The following RAC1 variants were observed in gnomAD, a reference collection of about 807,000 sequenced individuals.
RAC1 encodes Rac family small GTPase 1.
In RAC1, 2 loss-of-function variants were observed where a neutral mutation model predicts 25.2. The observed-to-expected ratio is 0.08, with a 90% confidence interval of 0.03 to 0.25. The LOEUF is 0.25. Among genes scored for constraint, RAC1 ranks in the 10% least tolerant of loss-of-function variants. RAC1 has a pLI of 1.00. For missense variants in RAC1, 50 were observed against 235.7 expected (o/e 0.21, Z 5.16); for synonymous variants, 88 against 94.0 (o/e 0.94, Z 0.37).
At chr7:6,383,366 A>C (rs569325151) in intron 1 of RAC1, among the ~76,000 whole-genome samples, 1 of 152,320 alleles carries the variant, frequency 6.6e-6, no homozygotes, top group African/African-American at 2.4e-5. Context: ...TAAAAGTTTT[A>C]ATCAGAAGAC....
Position 6,401,861 on chromosome 7 carries a change from C to T in RAC1, c.289-7C>T, listed in dbSNP as rs1783413492. 1.2e-6 allele frequency: 2 copies of T among 1,611,144 alleles called. No homozygotes were observed. Among genetic ancestry groups the T allele is most frequent in the South Asian group, 1.1e-5 (1 of 90,764 alleles). ...TGTCACAACCTCTGTTCCTTCTTCA[C>T]ATCTAGTGGTATCCTGAGGTGCGGC... On this transcript the variant is annotated splice_polypyrimidine_tract_variant and splice_region_variant and intron_variant, in intron 4 of 5. Transcript: ENST00000348035.
chr7:6,377,880 G>C (rs1008741873), intron 1 of RAC1, among the ~76,000 whole-genome samples: 12 of 152,172 alleles, frequency 7.9e-5, no homozygotes, highest in African/African-American at 2.9e-4. Flanking sequence ...ACTCCAGCTT[G>C]GGTGACAGAG....
Position 6,402,529 on chromosome 7 carries a change from A to AAAAAAC in RAC1, c.*88_*89insCAAAAA. ...AAAAAAAACAAAAAAAAAAAACAAA[A>AAAAAAC]AAAAAAAACAACGGTGGAGCCTTCG... On this transcript the variant is annotated 3_prime_UTR_variant, in exon 6 of 6. Coordinates refer to ENST00000348035, the MANE Select transcript of RAC1 (RefSeq NM_006908.5). The AAAAAAC allele has an allele frequency of 9.1e-7, 1 of 1,096,606 alleles. No homozygotes were observed. Among genetic ancestry groups the AAAAAAC allele is most frequent in the South Asian group, 2.7e-5 (1 of 37,302 alleles). 67.9% of individuals were successfully genotyped at this position (1,096,606 alleles called of 1,614,324 possible). A position where few individuals can be genotyped will look rare whatever the true frequency, so the allele number is the denominator to read the frequency against.
intron 2 of RAC1, among the ~76,000 whole-genome samples, chr7:6,389,217 A>C (rs890458429): frequency 2.9e-5 from 4 of 139,040 alleles, no homozygotes; most frequent in Non-Finnish European, 6.1e-5. Flanking sequence ...AAAAAAAAAA[A>C]ATTAAAAAAT....
At chr7:6,388,686 T>C (rs1782995738) in intron 2 of RAC1, among the ~76,000 whole-genome samples, 1 of 152,082 alleles carries the variant, frequency 6.6e-6, no homozygotes, top group African/African-American at 2.4e-5. Flanking sequence ...GTCCTAAATT[T>C]ATGGGGGAGA....
Position 6,378,768 on chromosome 7 carries a change from A to G in RAC1, c.35+3998A>G, listed in dbSNP as rs1390394323. ...CTTTCACTTAGTGGACCTTTGCCCC[A>G]AGATTTTCTCTCAGCTTTTCCTAGG... On this transcript the variant is annotated intron_variant, in intron 1 of 5. Transcript: ENST00000348035. 5.3e-5 allele frequency among the ~76,000 whole-genome samples: 8 copies of G among 151,816 alleles called. No individual in the cohort carries two copies. In the East Asian group the frequency reaches 9.7e-4, roughly 18 times the overall value.
At position 6,402,383 on chromosome 7, in the gene RAC1, G is replaced by A. The variant is rs140589960; in HGVS notation, c.516G>A (p.Ala172=). 6.4e-4 allele frequency: 1,024 copies of A among 1,611,596 alleles called. 1 individual carries two copies. The highest frequency in any genetic ancestry group is 8.4e-4 in the Non-Finnish European group (986 of 1,179,692). The change falls in exon 6 of 6, where the codon GCG becomes GCA. Residue 172 remains alanine (A), a synonymous_variant. Coordinates refer to ENST00000348035, the MANE Select transcript of RAC1 (RefSeq NM_006908.5). ...QRGLKTVFDE[A]IRAVLCPPPV... Reference sequence around the variant, plus strand: ...GCCTCAAGACAGTGTTTGACGAAGCGATCCGAGCAGTCCTCTGCCCGCCTC... The same window carrying A: ...GCCTCAAGACAGTGTTTGACGAAGCAATCCGAGCAGTCCTCTGCCCGCCTC...
rs1554263519 is a variant in RAC1, at chr7:6,390,096, C to CCTTTTT, written c.108-1828_108-1827insCTTTTT. Among the ~76,000 whole-genome samples the CCTTTTT allele has an allele frequency of 7.1e-4, 53 of 74,918 alleles. 2 individuals carry two copies. Among genetic ancestry groups the CCTTTTT allele is most frequent in the East Asian group, 1.5e-3 (2 of 1,298 alleles). 49.1% of individuals were successfully genotyped at this position (74,918 alleles called of 152,430 possible). A position where few individuals can be genotyped will look rare whatever the true frequency, so the allele number is the denominator to read the frequency against. On this transcript the variant is annotated intron_variant, in intron 2 of 5. Transcript: ENST00000348035. ...CCTCCCTTGCTCCCTCCCTCCCTCC[C>CCTTTTT]TTTTTTTTTTTTTTTTTTTTTGAGA...
Position 6,383,140 on chromosome 7 carries a change from G to T in RAC1, c.36-4072G>T, listed in dbSNP as rs567548975. Among the ~76,000 whole-genome samples, 17 of 152,272 alleles carry T rather than the reference G, an allele frequency of 1.1e-4. No homozygotes were observed. The South Asian group carries it at 3.5e-3, about 32-fold the overall frequency. On this transcript the variant is annotated intron_variant, in intron 1 of 5. Transcript: ENST00000348035. ...ATTATATAAAGTTAGAAATTCCAAAGAAGTAGTAACTACCAGAAATTCTCC... is the reference window on the plus strand; with the variant it reads ...ATTATATAAAGTTAGAAATTCCAAATAAGTAGTAACTACCAGAAATTCTCC...
At chr7:6,375,374 C>T (rs1339473770) in intron 1 of RAC1, among the ~76,000 whole-genome samples, 2 of 152,056 alleles carry the variant, frequency 1.3e-5, no homozygotes. Flanking sequence ...CAGGCGTGTG[C>T]CACCACGCCT....
intron 1 of RAC1, among the ~76,000 whole-genome samples, chr7:6,381,829 A>G (rs1170983711): frequency 6.6e-6 from 1 of 152,172 alleles, no homozygotes; most frequent in Non-Finnish European, 1.5e-5. Context: ...TTTTATCTGC[A>G]TAGTTAACGC....
chr7:6,390,927 C>T (rs570130324), intron 2 of RAC1, among the ~76,000 whole-genome samples: 8 of 152,152 alleles, frequency 5.3e-5, no homozygotes, highest in South Asian at 4.2e-4. Flanking sequence ...GACCGAGTTT[C>T]GCACTTGTTG....
Position 6,386,325 on chromosome 7 carries a change from G to C in RAC1, c.36-887G>C, listed in dbSNP as rs369398057. On this transcript the variant is annotated intron_variant, in intron 1 of 5. Transcript: ENST00000348035. ...GCTGAATCAATGTGATGGCAGTTAC[G>C]TGTGGTAGTTTATTGACTAAGCACT... Among the ~76,000 whole-genome samples, 81 of 152,288 alleles carry C rather than the reference G, an allele frequency of 5.3e-4. 1 individual carries two copies. The South Asian group carries it at 0.015, about 27-fold the overall frequency.
At chr7:6,398,182 T>A (rs1158790896) in intron 3 of RAC1, among the ~76,000 whole-genome samples, 4 of 150,234 alleles carry the variant, frequency 2.7e-5, no homozygotes, top group Non-Finnish European at 5.9e-5. Context: ...ATTAAAACCC[T>A]GAGGCCCGGC....
chr7:6,395,873 C>T (rs1252551280), intron 3 of RAC1, among the ~76,000 whole-genome samples: 2 of 152,154 alleles, frequency 1.3e-5, no homozygotes, highest in African/African-American at 2.4e-5. Flanking sequence ...GAGAATAAAA[C>T]GAAGTAGAAA....
At chr7:6,392,101 A>G in intron 3 of RAC1, 60 bp downstream of exon 3, 1 of 1,607,994 alleles carries the variant, frequency 6.2e-7, no homozygotes, top group Non-Finnish European at 8.5e-7. Flanking sequence ...CGAGCGCTTA[A>G]TTAGTGCATG....
intron 3 of RAC1, chr7:6,398,704 G>T: frequency 6.2e-7 from 1 of 1,613,728 alleles, no homozygotes; most frequent in South Asian, 1.1e-5. Flanking sequence ...CCGGGGCAAA[G>T]ACAAGCCGAT....
chr7:6,388,266 C>T (rs10277187), intron 2 of RAC1, among the ~76,000 whole-genome samples: 6,129 of 151,706 alleles, frequency 0.04, 432 homozygotes, highest in African/African-American at 0.14. Flanking sequence ...CACCTGTGTT[C>T]ACCTCCTCAG....
intron 3 of RAC1, among the ~76,000 whole-genome samples, chr7:6,399,019 C>T (rs759853328): frequency 3.9e-5 from 6 of 152,184 alleles, no homozygotes; most frequent in Non-Finnish European, 8.8e-5. Flanking sequence ...TCCCGGAAGC[C>T]CACCTGGCTG....
Sources: allele counts gnomAD v4.1 joint callset (sites outside exome capture counted in the v4.1 genomes callset), GRCh38; gene constraint gnomAD v4.1.1; transcripts MANE v1.5; gene names NCBI Gene and HGNC (gene_info 2026-07-23, HGNC 2026-07-21).